Variants in AP2A2 observed in about 807,000 individuals in gnomAD.
AP2A2 encodes adaptor related protein complex 2 subunit alpha 2.
AP2A2 carries 32 observed loss-of-function variants against 104.2 expected under a neutral mutation model. That is an observed-to-expected ratio of 0.31 (90% CI 0.23 to 0.41). The LOEUF (loss-of-function observed/expected upper bound fraction) is 0.41, where lower values mean the gene tolerates loss of function less well. Ranked by LOEUF, AP2A2 falls within the 10% of genes least tolerant of loss-of-function variation. The pLI, the probability that AP2A2 is intolerant of heterozygous loss-of-function variation, is 1.00. For synonymous variants in AP2A2, 539 were observed against 533.3 expected (o/e 1.01, Z -0.15); for missense variants, 912 against 1,261.0 (o/e 0.72, Z 4.19).
In AP2A2 at chr11:985,531, C is replaced by G. The variant is rs374688346; in HGVS notation, c.911C>G (p.Ala304Gly). 2 of 1,613,946 alleles carry G rather than the reference C, an allele frequency of 1.2e-6. No homozygotes were observed. The highest frequency in any genetic ancestry group is 1.1e-5 in the South Asian group (1 of 91,084). ...PKSKKVQHSN[A>G]KNAVLFEAIS... ...TCGAAGAAGGTCCAGCACTCCAACG[C>G]GAAGAATGCCGTGCTCTTCGAGGCC... Residue 304 changes from alanine to glycine, a missense_variant, in exon 8 of 22, where the codon GCG becomes GGG. Transcript: ENST00000448903.
chr11:985,621 C>CAG lies in AP2A2; in HGVS notation c.962+40_962+41insGA, dbSNP rs1855428071. On this transcript the variant is annotated intron_variant, in intron 8 of 21. Coordinates refer to ENST00000448903, the MANE Select transcript of AP2A2 (RefSeq NM_012305.4). ...CTGTGGAGAGGCTTCGTCTCGCGCA[C>CAG]ACACACACGTTCCTTCTCGTTGGCA... The CAG allele has an allele frequency of 7.4e-6, 12 of 1,612,542 alleles. No individual in the cohort carries two copies. In the East Asian group the frequency reaches 2.7e-4, roughly 36 times the overall value.
chr11:993,212 G>A lies in AP2A2; in HGVS notation c.1453-72G>A, dbSNP rs1011962022. ...CTGGTGCTGGTGTAGGGTGCACCGC[G>A]CCAGGACGTGCCCGCCTCGCCTTAA... is the stretch of plus-strand genomic sequence containing the variant. On this transcript the variant is annotated intron_variant, in intron 11 of 21. Transcript: ENST00000448903. This position sits in a 1 kb window ranked among gnomAD's most constrained non-coding sequence, Gnocchi z 8.2. 1.5e-5 allele frequency: 19 copies of A among 1,258,164 alleles called. No individual in the cohort carries two copies. Among genetic ancestry groups the A allele is most frequent in the African/African-American group, 3.0e-5 (2 of 66,336 alleles). 77.9% of individuals were successfully genotyped at this position (1,258,164 alleles called of 1,614,324 possible).
chr11:977,292 A>G, intron 5 of AP2A2, 68 bp downstream of exon 5: 1 of 1,516,504 alleles, frequency 6.6e-7, no homozygotes. Flanking sequence ...TTGTGAAGAC[A>G]CCATGGTGCG....
chr11:985,344 T>G (rs562034407), intron 7 of AP2A2, 91 bp from the exon 8 acceptor site: 8 of 1,458,492 alleles, frequency 5.5e-6, no homozygotes, highest in Non-Finnish European at 7.4e-6. Context: ...ATATTAAAAA[T>G]GCTCTCATGA....
At chr11:935,703 G>A (rs1853436792) in intron 1 of AP2A2, among the ~76,000 whole-genome samples, 2 of 145,404 alleles carry the variant, frequency 1.4e-5, no homozygotes, top group African/African-American at 5.1e-5. Flanking sequence ...CGCCTCCCGG[G>A]TTCAAACAAT....
In AP2A2 at chr11:1,011,715, C is replaced by T; in HGVS notation, c.*1090C>T. Reference sequence around the variant, plus strand: ...TAAACACACCCAGCACAGGTTCTGGCTTCCTGACATGCTGTGGAGGCAGGG... The same window carrying T: ...TAAACACACCCAGCACAGGTTCTGGTTTCCTGACATGCTGTGGAGGCAGGG... On this transcript the variant is annotated 3_prime_UTR_variant, in exon 22 of 22. Coordinates refer to ENST00000448903, the MANE Select transcript of AP2A2 (RefSeq NM_012305.4). 3.0e-6 allele frequency: 1 copy of T among 334,592 alleles called. No homozygotes were observed. Among genetic ancestry groups the T allele is most frequent in the Non-Finnish European group, 6.0e-6 (1 of 167,700 alleles). The allele number at this position is 334,592 out of a possible 1,614,324, so 20.7% of individuals were successfully genotyped here.
At chr11:951,017 G>A (rs1443181917) in intron 1 of AP2A2, among the ~76,000 whole-genome samples, 1 of 151,948 alleles carries the variant, frequency 6.6e-6, no homozygotes, top group Non-Finnish European at 1.5e-5. Flanking sequence ...ACTTGAACCT[G>A]GGAAGCGGAT....
At chr11:969,217 G>GC (rs201394005) in intron 2 of AP2A2, among the ~76,000 whole-genome samples, 1 of 86,138 alleles carries the variant, frequency 1.2e-5, no homozygotes, top group African/African-American at 3.8e-5. Flanking sequence ...ATGTAGAACA[G>GC]CCCTTTTTTT....
At chr11:962,150 T>TG (rs145430636) in intron 2 of AP2A2, among the ~76,000 whole-genome samples, 10,432 of 152,326 alleles carry the variant, frequency 0.068, 432 homozygotes, top group South Asian at 0.11. Flanking sequence ...GCTCTCAACC[T>TG]GGGGGAGCCG....
Position 972,380 on chromosome 11 carries a change from T to C in AP2A2, c.473+125T>C, listed in dbSNP as rs1854864609. On this transcript the variant is annotated intron_variant, in intron 4 of 21. Coordinates refer to ENST00000448903, the MANE Select transcript of AP2A2 (RefSeq NM_012305.4). ...TCCCCATCTTATGGGAGATGAGATG[T>C]AGCCTAAGGTGGGATCCAGAATTAC... 14 of 1,108,120 alleles carry C rather than the reference T, an allele frequency of 1.3e-5. No homozygotes were observed. In the East Asian group the frequency reaches 3.4e-4, roughly 27 times the overall value. 68.6% of individuals were successfully genotyped at this position (1,108,120 alleles called of 1,614,324 possible).
At chr11:979,828 A>G (rs866850578) in intron 5 of AP2A2, among the ~76,000 whole-genome samples, 1 of 152,176 alleles carries the variant, frequency 6.6e-6, no homozygotes, top group Non-Finnish European at 1.5e-5. Context: ...CGGCCTCCCA[A>G]AGTGCTGGGA....
At chr11:958,340 C>T (rs888700828) in intron 1 of AP2A2, among the ~76,000 whole-genome samples, 12 of 152,196 alleles carry the variant, frequency 7.9e-5, no homozygotes, top group Non-Finnish European at 1.0e-4. Flanking sequence ...TCAGCCGCCC[C>T]GTCTGGGGTG....
intron 14 of AP2A2, among the ~76,000 whole-genome samples, chr11:998,287 G>A (rs945061955): frequency 1.3e-4 from 20 of 150,762 alleles, no homozygotes; most frequent in African/African-American, 4.4e-4. Context: ...AGCCTGCCCC[G>A]TTTCTGACTG....
At chr11:926,255 C>T (rs1198649149) in intron 1 of AP2A2, among the ~76,000 whole-genome samples, 167 bp downstream of exon 1, 7 of 26,314 alleles carry the variant, frequency 2.7e-4, no homozygotes, top group African/African-American at 1.1e-3. Flanking sequence ...GGTACCGGGT[C>T]TGGGGGTGGG....
At chr11:939,121 G>A (rs1160637414) in intron 1 of AP2A2, among the ~76,000 whole-genome samples, 1 of 151,302 alleles carries the variant, frequency 6.6e-6, no homozygotes, top group African/African-American at 2.4e-5. Context: ...TGTGGTGCTG[G>A]GCACCTGTAA....
chr11:978,634 C>T (rs537317055), intron 5 of AP2A2, among the ~76,000 whole-genome samples: 123 of 152,216 alleles, frequency 8.1e-4, no homozygotes, highest in Non-Finnish European at 1.5e-3. Flanking sequence ...CCAGCTTGCG[C>T]ACCTGCACCC....
chr11:936,239 G>A (rs1853456711), intron 1 of AP2A2, among the ~76,000 whole-genome samples: 1 of 134,424 alleles, frequency 7.4e-6, no homozygotes, highest in African/African-American at 2.7e-5. Context: ...TAAAGATATA[G>A]GGTCTTGCTG....
Position 951,706 on chromosome 11 carries a change from C to T in AP2A2, c.68-7731C>T, listed in dbSNP as rs1026037651. 2.0e-4 allele frequency among the ~76,000 whole-genome samples: 30 copies of T among 152,294 alleles called. No individual in the cohort carries two copies. The South Asian group carries it at 3.1e-3, about 16-fold the overall frequency. On this transcript the variant is annotated intron_variant, in intron 1 of 21. Transcript: ENST00000448903. ...CGGTTAAGTTGATAGCCCAGGGTCACGTAGCTAGTAAAACATGGAGTGACA... is the reference window on the plus strand; with the variant it reads ...CGGTTAAGTTGATAGCCCAGGGTCATGTAGCTAGTAAAACATGGAGTGACA...
intron 1 of AP2A2, among the ~76,000 whole-genome samples, chr11:941,358 A>G (rs550829147): frequency 2.6e-5 from 4 of 152,250 alleles, no homozygotes; most frequent in South Asian, 2.1e-4. Flanking sequence ...TTCTACACAC[A>G]TGCCCCGGCC....
Sources: gnomAD v4.1 joint callset for allele counts (sites outside exome capture counted in the v4.1 genomes callset) on GRCh38, gnomAD v4.1.1 for gene constraint, Gnocchi (gnomAD v3.1) non-coding constraint, MANE v1.5 for transcripts, NCBI Gene and HGNC (gene_info 2026-07-23, HGNC 2026-07-21) for gene names.